Variants in SORCS3 observed in about 807,000 individuals in gnomAD.
SORCS3 encodes sortilin related VPS10 domain containing receptor 3.
Under a neutral mutation model 146.3 loss-of-function variants are expected in SORCS3, and 57 were observed. The observed-to-expected ratio is 0.39, with a 90% CI of 0.31 to 0.49. The LOEUF (loss-of-function observed/expected upper bound fraction) is 0.49. Ranked by LOEUF, SORCS3 falls within the 20% of genes least tolerant of loss-of-function variation. The pLI, the probability that SORCS3 is intolerant of heterozygous loss-of-function variation, is 0.92. For missense variants in SORCS3, 1,341 were observed against 1,575.5 expected (o/e 0.85, Z 2.52); for synonymous variants, 653 against 618.5 (o/e 1.06, Z -0.83).
intron 1 of SORCS3, among the ~76,000 whole-genome samples, chr10:104,709,220 T>C (rs2016384556): frequency 6.6e-6 from 1 of 151,766 alleles, no homozygotes; most frequent in African/African-American, 2.4e-5. Context: ...GAGGGGGAGA[T>C]TTGGGTTGGG....
chr10:104,740,600 T>C (rs1243880663), intron 1 of SORCS3, among the ~76,000 whole-genome samples: 3 of 152,218 alleles, frequency 2.0e-5, no homozygotes, highest in African/African-American at 7.2e-5. Context: ...CTTGTTTGCT[T>C]CTCAGGAAGG....
chr10:104,924,906 T>A (rs59313588), intron 3 of SORCS3, among the ~76,000 whole-genome samples: 38,974 of 151,976 alleles, frequency 0.26, 6,099 homozygotes, highest in African/African-American at 0.44. Context: ...TTTAATTTTT[T>A]TAAAAAAATT....
intron 1 of SORCS3, among the ~76,000 whole-genome samples, chr10:104,809,729 T>C (rs1437402602): frequency 1.3e-5 from 2 of 152,244 alleles, no homozygotes; most frequent in Non-Finnish European, 2.9e-5. Context: ...TTACTCATGA[T>C]GTCTCCATCC....
chr10:104,881,991 G>A (rs2018637108), intron 2 of SORCS3, among the ~76,000 whole-genome samples: 1 of 152,146 alleles, frequency 6.6e-6, no homozygotes, highest in South Asian at 2.1e-4. Flanking sequence ...CTGGGAAAAT[G>A]CAAATCCCCA....
At chr10:104,736,241 G>T (rs986053296) in intron 1 of SORCS3, among the ~76,000 whole-genome samples, 3 of 152,174 alleles carry the variant, frequency 2.0e-5, no homozygotes, top group Admixed American at 1.3e-4. Context: ...TTTGCCCTCC[G>T]TGAGACCCTC....
At chr10:104,792,490 G>T (rs551219514) in intron 1 of SORCS3, among the ~76,000 whole-genome samples, 2 of 152,288 alleles carry the variant, frequency 1.3e-5, no homozygotes, top group Non-Finnish European at 2.9e-5. Context: ...AAGACCATTT[G>T]GTCCTTCAAG....
intron 2 of SORCS3, among the ~76,000 whole-genome samples, chr10:104,846,023 A>G (rs2133549486): frequency 6.6e-6 from 1 of 152,258 alleles, no homozygotes; most frequent in Middle Eastern, 3.4e-3. Context: ...CAGATTCCAT[A>G]TGGTGTGACC....
intron 1 of SORCS3, among the ~76,000 whole-genome samples, chr10:104,645,153 G>C (rs1194221727): frequency 3.9e-5 from 6 of 152,194 alleles, no homozygotes; most frequent in African/African-American, 1.4e-4. Context: ...AGGTGCTCTG[G>C]CTGGAAAGTG....
intron 25 of SORCS3, among the ~76,000 whole-genome samples, chr10:105,261,853 G>A (rs550981690): frequency 2.5e-4 from 38 of 152,292 alleles, no homozygotes; most frequent in African/African-American, 9.1e-4. Flanking sequence ...TCCCATAAGT[G>A]ATGCTCTGAA....
intron 3 of SORCS3, among the ~76,000 whole-genome samples, chr10:104,922,986 G>A (rs551067670): frequency 6.6e-6 from 1 of 152,284 alleles, no homozygotes; most frequent in Admixed American, 6.5e-5. Flanking sequence ...GGGACTTTTT[G>A]TGTCATTGTA....
At chr10:104,857,657 T>C (rs1456010836) in intron 2 of SORCS3, among the ~76,000 whole-genome samples, 1 of 152,158 alleles carries the variant, frequency 6.6e-6, no homozygotes, top group Non-Finnish European at 1.5e-5. Context: ...TCTCTGGCTT[T>C]CCATTGTATA....
chr10:104,813,610 C>T (rs1005680364), intron 1 of SORCS3, among the ~76,000 whole-genome samples: 7 of 152,168 alleles, frequency 4.6e-5, no homozygotes, highest in African/African-American at 1.7e-4. Context: ...GCTCTCTGCT[C>T]TACAGCGTTG....
At chr10:104,876,795 TTC>T (rs1206802020) in intron 2 of SORCS3, among the ~76,000 whole-genome samples, 8 of 147,788 alleles carry the variant, frequency 5.4e-5, no homozygotes, top group African/African-American at 2.1e-4. Flanking sequence ...TCTTTTTTCT[TTC>T]TCTCTTTCTC....
rs1027963729 is a variant in SORCS3 at position 104,641,470 on chromosome 10, C to T, written c.143C>T (p.Ala48Val). 4 of 1,467,118 alleles carry T rather than the reference C, an allele frequency of 2.7e-6. No homozygotes were observed. The Admixed American group carries it at 7.5e-5, about 27-fold the overall frequency. The allele number at this position is 1,467,118 out of a possible 1,614,324, so 90.9% of individuals were successfully genotyped here. The change falls in exon 1 of 27, where the codon GCC (alanine) becomes GTC (valine). Residue 48 changes from alanine to valine, a missense_variant. By Grantham distance (64) the Ala-to-Val change is moderately conservative. Coordinates refer to ENST00000369701, the MANE Select transcript of SORCS3 (RefSeq NM_014978.3). The surrounding 1 kb of genome is among the most constrained non-coding windows in gnomAD (Gnocchi z 6.4). ...DATGGPGRPA[A>V]PASRPPALSP... ...ACAGGCGGTCCCGGACGCCCGGCGG[C>T]CCCGGCTTCGCGGCCACCGGCGTTG...
At chr10:104,742,339 C>A (rs1307905577) in intron 1 of SORCS3, among the ~76,000 whole-genome samples, 2 of 152,148 alleles carry the variant, frequency 1.3e-5, no homozygotes, top group Non-Finnish European at 2.9e-5. Flanking sequence ...CAAGTCATAA[C>A]CTTAGTAGTG....
At chr10:104,995,289 A>T (rs566869161) in intron 4 of SORCS3, among the ~76,000 whole-genome samples, 8 of 151,600 alleles carry the variant, frequency 5.3e-5, no homozygotes, top group Admixed American at 2.0e-4. Flanking sequence ...CCTCCTGAGT[A>T]GCTGGGATCA....
intron 1 of SORCS3, 88 bp downstream of exon 1, chr10:104,642,042 C>T: frequency 7.1e-7 from 1 of 1,401,570 alleles, no homozygotes; most frequent in Non-Finnish European, 9.4e-7. Context: ...CAGATAGTTG[C>T]TCGGGGGTCG....
At chr10:104,765,532 A>C (rs2017169438) in intron 1 of SORCS3, among the ~76,000 whole-genome samples, 2 of 152,218 alleles carry the variant, frequency 1.3e-5, no homozygotes, top group South Asian at 2.1e-4. Context: ...GGTACACAGC[A>C]GGTATTCAGT....
chr10:104,908,948 G>A, intron 2 of SORCS3, among the ~76,000 whole-genome samples: 1 of 152,262 alleles, frequency 6.6e-6, no homozygotes, highest in African/African-American at 2.4e-5. Context: ...GCCAGGCAGG[G>A]AAGGATGCTC....
Sources: gnomAD v4.1 joint callset for allele counts (sites outside exome capture counted in the v4.1 genomes callset) on GRCh38, gnomAD v4.1.1 for gene constraint, Gnocchi (gnomAD v3.1) non-coding constraint, MANE v1.5 for transcripts, NCBI Gene and HGNC (gene_info 2026-07-23, HGNC 2026-07-21) for gene names.